CTCF: variants seen among roughly 807,000 people sequenced by gnomAD.
The protein encoded by CTCF is transcriptional repressor CTCF.
In CTCF, 7 loss-of-function variants were observed where a neutral mutation model predicts 72.3. The ratio of observed to expected loss-of-function variants is 0.10; its 90% CI spans 0.06 to 0.18. The LOEUF (loss-of-function observed/expected upper bound fraction) is 0.18, where lower values mean the gene tolerates loss of function less well. Among genes scored for constraint, CTCF ranks in the 10% least tolerant of loss-of-function variants. CTCF has a pLI of 1.00. For synonymous variants in CTCF, 374 were observed against 315.8 expected (o/e 1.18, Z -1.95); for missense variants, 516 against 949.1 (o/e 0.54, Z 6.00).
At position 67,638,456 on chromosome 16, in the gene CTCF, C is replaced by T. The variant is rs1297472552; in HGVS notation, c.*584C>T. Reference sequence around the variant, plus strand: ...ACTTTTTTTACATTTTAATCTTTTCCATTAATTAAGAGGTTGAAAAGAAGT... The same window carrying T: ...ACTTTTTTTACATTTTAATCTTTTCTATTAATTAAGAGGTTGAAAAGAAGT... On this transcript the variant is annotated 3_prime_UTR_variant, in exon 12 of 12. Coordinates refer to ENST00000264010, the MANE Select transcript of CTCF (RefSeq NM_006565.4). The T allele has an allele frequency of 4.5e-6, 1 of 223,540 alleles. No individual in the cohort carries two copies. Among genetic ancestry groups the T allele is most frequent in the East Asian group, 6.5e-5 (1 of 15,396 alleles). 13.8% of individuals were successfully genotyped at this position (223,540 alleles called of 1,614,324 possible). A position where few individuals can be genotyped will look rare whatever the true frequency, so the allele number is the denominator to read the frequency against.
At chr16:67,627,482 C>A (rs1165972946) in intron 8 of CTCF, 2 of 151,020 alleles carry the variant, frequency 1.3e-5, no homozygotes, top group Non-Finnish European at 2.9e-5. Context: ...CAGAGCGAGA[C>A]TCTGTCTCCA....
At chr16:67,599,337 G>A (rs1344761604) in intron 2 of CTCF, among the ~76,000 whole-genome samples, 2 of 152,238 alleles carry the variant, frequency 1.3e-5, no homozygotes, top group South Asian at 2.1e-4. Flanking sequence ...AGAGGTTGCA[G>A]TGAGCCGAGG....
chr16:67,624,071 A>ATGTATG (rs2052242791), intron 7 of CTCF, among the ~76,000 whole-genome samples: 2 of 117,614 alleles, frequency 1.7e-5, no homozygotes, highest in South Asian at 2.9e-4. Flanking sequence ...AAAATTATAT[A>ATGTATG]TGTGTGTGTG....
chr16:67,587,769 G>C (rs995749613), intron 2 of CTCF, among the ~76,000 whole-genome samples: 2 of 151,932 alleles, frequency 1.3e-5, no homozygotes, highest in Non-Finnish European at 2.9e-5. Context: ...CACAAAAAGG[G>C]GGAAAAAGAC....
intron 7 of CTCF, among the ~76,000 whole-genome samples, chr16:67,625,723 C>T (rs2052274582): frequency 6.6e-6 from 1 of 152,048 alleles, no homozygotes; most frequent in Admixed American, 6.6e-5. Flanking sequence ...TATCCCTTGC[C>T]ATCCCACCCC....
At chr16:67,574,802 G>T (rs1032420888) in intron 2 of CTCF, among the ~76,000 whole-genome samples, 3 of 151,612 alleles carry the variant, frequency 2.0e-5, no homozygotes, top group African/African-American at 7.3e-5. Context: ...GAGACTACAT[G>T]CGCCCACCAC....
intron 2 of CTCF, among the ~76,000 whole-genome samples, chr16:67,604,461 G>A (rs888124680): frequency 2.0e-5 from 3 of 152,108 alleles, no homozygotes; most frequent in Non-Finnish European, 2.9e-5. Context: ...TCCTGCCTCA[G>A]CCTCCCAAGT....
intron 3 of CTCF, 128 bp from the exon 4 acceptor site, chr16:67,611,818 CATGAG>C: frequency 9.6e-6 from 9 of 936,320 alleles, no homozygotes; most frequent in Non-Finnish European, 1.5e-5. Context: ...GTATTAGTGA[CATGAG>C]ATAATTATGA....
intron 4 of CTCF, 105 bp from the exon 5 acceptor site, chr16:67,616,640 G>A (rs911314263): frequency 4.6e-6 from 6 of 1,317,044 alleles, no homozygotes; most frequent in South Asian, 1.3e-5. Flanking sequence ...CAGTTGATGG[G>A]ATGAATAGGG....
In CTCF at chr16:67,639,012, T is replaced by G. The variant is rs1203138331; in HGVS notation, c.*1140T>G. ...TTTTAAGAGAGCCATCAGTTAGCTA[T>G]CAGACTCTAGGTTGATGCATTTTGT... On this transcript the variant is annotated 3_prime_UTR_variant, in exon 12 of 12. Coordinates refer to ENST00000264010, the MANE Select transcript of CTCF (RefSeq NM_006565.4). 1 of 203,444 alleles carries G rather than the reference T, an allele frequency of 4.9e-6. No individual in the cohort carries two copies. The highest frequency in any genetic ancestry group is 1.0e-5 in the Non-Finnish European group (1 of 98,878). The allele number at this position is 203,444 out of a possible 1,614,324, so 12.6% of individuals were successfully genotyped here.
intron 2 of CTCF, among the ~76,000 whole-genome samples, chr16:67,573,746 T>TA (rs1291443895): frequency 6.6e-6 from 1 of 152,062 alleles, no homozygotes; most frequent in African/African-American, 2.4e-5. Flanking sequence ...AAAGAAGACT[T>TA]ACGTGGCTGG....
Position 67,626,667 on chromosome 16 carries a change from G to T in CTCF, c.1470G>T (p.Lys490Asn), listed in dbSNP as rs746921532. ...YALIQHQKSH[K>N]NEKRFKCDQC... ...TCATCCAGCATCAGAAGTCACACAA[G>T]AATGAGAAGCGCTTTAAGTGTGACC... Residue 490 changes from lysine (K) to asparagine (N), a missense_variant, in exon 8 of 12, where the codon AAG becomes AAT. Lys to Asn is a moderately conservative substitution (Grantham distance 94). This residue lies in a region of CTCF where 81 missense variants were observed against 184.3 expected (regional missense o/e 0.44). Transcript: ENST00000264010. The T allele has an allele frequency of 6.4e-7, 1 of 1,563,076 alleles. No homozygotes were observed. Among genetic ancestry groups the T allele is most frequent in the African/African-American group, 1.4e-5 (1 of 72,728 alleles).
At chr16:67,566,196 A>G (rs1024019220) in intron 1 of CTCF, among the ~76,000 whole-genome samples, 2 of 152,110 alleles carry the variant, frequency 1.3e-5, no homozygotes, top group African/African-American at 2.4e-5. Context: ...TTTGAAGACC[A>G]TGGTTCTCAA....
At chr16:67,615,916 C>T (rs951866426) in intron 4 of CTCF, 6 of 152,300 alleles carry the variant, frequency 3.9e-5, no homozygotes, top group African/African-American at 1.4e-4. Flanking sequence ...TCCTCAAAGG[C>T]AGCCTTCCTT....
At chr16:67,634,852 G>A (rs2142882966) in intron 10 of CTCF, among the ~76,000 whole-genome samples, 1 of 150,520 alleles carries the variant, frequency 6.6e-6, no homozygotes, top group East Asian at 2.0e-4. Flanking sequence ...TACAGGTGCC[G>A]CCACCACACC....
chr16:67,565,827 G>C (rs1567587971), intron 1 of CTCF, among the ~76,000 whole-genome samples: 1 of 152,150 alleles, frequency 6.6e-6, no homozygotes, highest in African/African-American at 2.4e-5. Flanking sequence ...ACGCAAATGG[G>C]GGCACTCACC....
chr16:67,601,331 GTGTGTGTTT>G (rs1473476196), intron 2 of CTCF, among the ~76,000 whole-genome samples: 11 of 147,444 alleles, frequency 7.5e-5, no homozygotes, highest in Non-Finnish European at 1.5e-4. Context: ...GTGTGTGTGT[GTGTGTGTTT>G]TGTTTTGTTT....
intron 10 of CTCF, 33 bp from the exon 11 acceptor site, chr16:67,636,657 C>T (rs770318829): frequency 6.4e-7 from 1 of 1,550,600 alleles, no homozygotes; most frequent in Admixed American, 1.8e-5. Context: ...TTCTCCTTGC[C>T]CCACCACCTG....
chr16:67,585,057 A>T (rs1179537573), intron 2 of CTCF, among the ~76,000 whole-genome samples: 1 of 151,840 alleles, frequency 6.6e-6, no homozygotes, highest in African/African-American at 2.4e-5. Flanking sequence ...TTTGTTTTTT[A>T]TTTTTTAGAC....
Sources: allele counts gnomAD v4.1 joint callset (sites outside exome capture counted in the v4.1 genomes callset), GRCh38; gene constraint gnomAD v4.1.1; regional missense constraint gnomAD v4.1.1; transcripts MANE v1.5; gene names NCBI Gene and HGNC (gene_info 2026-07-23, HGNC 2026-07-21).